PNPLA2: variants seen among roughly 807,000 people sequenced by gnomAD.
PNPLA2 encodes patatin-like phospholipase domain-containing protein 2.
In PNPLA2, 28 loss-of-function variants were observed where a neutral mutation model predicts 39.7. The observed-to-expected ratio is 0.70, with a 90% confidence interval of 0.52 to 0.97. The LOEUF (loss-of-function observed/expected upper bound fraction) is 0.97, where lower values mean the gene tolerates loss of function less well. PNPLA2 is among the 50% of genes least tolerant of loss of function. The probability of loss-of-function intolerance (pLI) is 0.00; values close to 1 mark genes in which losing one functional copy is unlikely to be tolerated. For missense variants in PNPLA2, 768 were observed against 698.2 expected, an observed-to-expected ratio of 1.10 and a Z score of -1.13; for synonymous variants, 392 against 321.1, an observed-to-expected ratio of 1.22 and a Z score of -2.36.
At chr11:821,335 G>A in intron 2 of PNPLA2, 1 of 522,060 alleles carries the variant, frequency 1.9e-6, no homozygotes, top group Non-Finnish European at 3.5e-6. Flanking sequence ...TCAGAGTTGA[G>A]TTTCTGCCTT....
At chr11:822,820 CTTTTTTTTTT>C (rs528124756) in intron 5 of PNPLA2, among the ~76,000 whole-genome samples, 1 of 131,480 alleles carries the variant, frequency 7.6e-6, no homozygotes, top group East Asian at 2.1e-4. Flanking sequence ...GTCTCTCTCT[CTTTTTTTTTT>C]TTTTTTTTGT....
In PNPLA2 at chr11:822,610, A is replaced by G; in HGVS notation, c.696+4A>G. 1 of 1,611,602 alleles carries G rather than the reference A, an allele frequency of 6.2e-7. No homozygotes were observed. The highest frequency in any genetic ancestry group is 8.5e-7 in the Non-Finnish European group (1 of 1,178,416). Reference sequence around the variant, plus strand: ...CCTCTTCCCGCCGGAGCCCCTGGTGAGCTCTGCTCCGAGGACTGTGGCCTT... The same window carrying G: ...CCTCTTCCCGCCGGAGCCCCTGGTGGGCTCTGCTCCGAGGACTGTGGCCTT... On this transcript the variant is annotated splice_donor_region_variant and intron_variant, in intron 5 of 9. Transcript: ENST00000336615.
In PNPLA2 at chr11:824,897, G is replaced by C; in HGVS notation, c.*35G>C. On this transcript the variant is annotated 3_prime_UTR_variant, in exon 10 of 10. Coordinates refer to ENST00000336615, the MANE Select transcript of PNPLA2 (RefSeq NM_020376.4). ...CCTCTCGAGGAACCCTGCCTGAGAC[G>C]CCTCCATTACCACTGCGCAGTGAGA... The C allele has an allele frequency of 6.8e-7, 1 of 1,471,768 alleles. No homozygotes were observed. The highest frequency in any genetic ancestry group is 9.2e-7 in the Non-Finnish European group (1 of 1,088,610). 91.2% of individuals were successfully genotyped at this position (1,471,768 alleles called of 1,614,324 possible).
rs779795122 is a variant in PNPLA2, at chr11:824,739, C to T, written c.1392C>T (p.Pro464=). 29 of 1,577,192 alleles carry T rather than the reference C, an allele frequency of 1.8e-5. No homozygotes were observed. The highest frequency in any genetic ancestry group is 1.7e-4 in the Middle Eastern group (1 of 6,006). Residue 464 remains proline (P), a synonymous_variant, in exon 10 of 10, where the codon CCC becomes CCT. Coordinates refer to ENST00000336615, the MANE Select transcript of PNPLA2 (RefSeq NM_020376.4). ...CCGAAGCTCTGCGCATGCGCGCACCCGCCGACCCGGCTCCCGCCCCCGCGG... is the reference window on the plus strand; with the variant it reads ...CCGAAGCTCTGCGCATGCGCGCACCTGCCGACCCGGCTCCCGCCCCCGCGG... ...FPPEALRMRA[P]ADPAPAPADP... is the part of the protein sequence containing the mutation.
At chr11:823,182 C>G (rs1387875032) in intron 5 of PNPLA2, among the ~76,000 whole-genome samples, 2 of 152,136 alleles carry the variant, frequency 1.3e-5, no homozygotes, top group East Asian at 3.8e-4. Context: ...CTCAGCCTCC[C>G]CAGTAGCTGG....
intron 1 of PNPLA2, among the ~76,000 whole-genome samples, 181 bp downstream of exon 1, chr11:819,139 AG>A (rs1845582330): frequency 6.6e-6 from 1 of 152,148 alleles, no homozygotes; most frequent in Non-Finnish European, 1.5e-5. Flanking sequence ...GGGGCTCCCG[AG>A]GCCTGTGCGG....
chr11:824,517 C>G lies in PNPLA2; in HGVS notation c.1176-6C>G. The stretch of plus-strand genomic sequence containing the variant: ...AAGCCCTCCCTGCCGCATCCCTGCC[C>G]CGCAGGCTGCCGGAGCAGGTGGAGC... On this transcript the variant is annotated splice_region_variant and splice_polypyrimidine_tract_variant and intron_variant, in intron 9 of 9. Coordinates refer to ENST00000336615, the MANE Select transcript of PNPLA2 (RefSeq NM_020376.4). 6.5e-7 allele frequency: 1 copy of G among 1,546,638 alleles called. No homozygotes were observed. The highest frequency in any genetic ancestry group is 1.9e-5 in the Admixed American group (1 of 51,384).
rs1186629172 is a variant in PNPLA2, at chr11:824,605, C to T, written c.1258C>T (p.Pro420Ser). 12 of 1,590,814 alleles carry T rather than the reference C, an allele frequency of 7.5e-6. No homozygotes were observed. The highest frequency in any genetic ancestry group is 8.5e-6 in the Non-Finnish European group (10 of 1,173,584). ...LSCAAYREALPGWMRNNLSLG... is the reference protein window; with the variant it reads ...LSCAAYREALSGWMRNNLSLG... ...CTGCGCCGCCTACAGAGAGGCACTGCCCGGCTGGATGCGCAACAACCTCTC... is the reference window on the plus strand; with the variant it reads ...CTGCGCCGCCTACAGAGAGGCACTGTCCGGCTGGATGCGCAACAACCTCTC... Residue 420 changes from proline to serine, a missense_variant, in exon 10 of 10, where the codon CCC (proline) becomes TCC (serine). Coordinates refer to ENST00000336615, the MANE Select transcript of PNPLA2 (RefSeq NM_020376.4).
intron 3 of PNPLA2, 33 bp downstream of exon 3, chr11:821,893 T>G: frequency 6.2e-7 from 1 of 1,600,220 alleles, no homozygotes. Context: ...TGGGTGGCGG[T>G]GGGGGGGGCA....
At chr11:824,153 A>G (rs1469238864) in intron 8 of PNPLA2, 23 bp downstream of exon 8, 1 of 1,581,408 alleles carries the variant, frequency 6.3e-7, no homozygotes, top group East Asian at 2.3e-5. Context: ...GGGGGTCGGG[A>G]GAGGGGCCCA....
At chr11:823,504 C>T (rs2133849109) in intron 5 of PNPLA2, 23 bp from the exon 6 acceptor site, 2 of 1,598,032 alleles carry the variant, frequency 1.3e-6, no homozygotes, top group South Asian at 2.3e-5. Flanking sequence ...TCCCTCCGCT[C>T]CATTTAACCC....
chr11:819,300 G>A (rs1198375271), intron 1 of PNPLA2: 4 of 478,852 alleles, frequency 8.4e-6, no homozygotes, highest in Non-Finnish European at 1.1e-5. Context: ...TCTGTGTGAG[G>A]CTTCCGGCCC....
chr11:823,754 A>G lies in PNPLA2; in HGVS notation c.818A>G (p.Glu273Gly), dbSNP rs758864081. ...CCCCCCGCCCGCCCCCACGGCCCAG[A>G]GGACAAGGACCAGGCAGTGGAGAGC... is the stretch of plus-strand genomic sequence containing the variant. The part of the protein sequence containing the change: ...ALPPARPHGP[E>G]DKDQAVESAQ... The change falls in exon 7 of 10, where the codon GAG (glutamate) becomes GGG (glycine). Residue 273 changes from glutamate to glycine, a missense_variant. Coordinates refer to ENST00000336615, the MANE Select transcript of PNPLA2 (RefSeq NM_020376.4). 5 of 1,346,442 alleles carry G rather than the reference A, an allele frequency of 3.7e-6. No homozygotes were observed. Among genetic ancestry groups the G allele is most frequent in the African/African-American group, 1.5e-5 (1 of 66,780 alleles). The allele number at this position is 1,346,442 out of a possible 1,614,324, so 83.4% of individuals were successfully genotyped here. A position where few individuals can be genotyped will look rare whatever the true frequency, so the allele number is the denominator to read the frequency against.
In PNPLA2 at chr11:823,603, C is replaced by A; in HGVS notation, c.757+16C>A. On this transcript the variant is annotated intron_variant, in intron 6 of 9. Transcript: ENST00000336615. ...CAGCGGAACGGTGCGCGGACCCGGG[C>A]GGGAGAGGGCGGGGTGGGCTCGGCT... The A allele has an allele frequency of 6.2e-6, 7 of 1,134,768 alleles. No individual in the cohort carries two copies. Among genetic ancestry groups the A allele is most frequent in the Non-Finnish European group, 9.0e-6 (7 of 777,802 alleles). 70.3% of individuals were successfully genotyped at this position (1,134,768 alleles called of 1,614,324 possible). A position where few individuals can be genotyped will look rare whatever the true frequency, so the allele number is the denominator to read the frequency against.
rs1165166323 is a variant in PNPLA2 at position 822,824 on chromosome 11, T to C, written c.696+218T>C. On this transcript the variant is annotated intron_variant, in intron 5 of 9. Coordinates refer to ENST00000336615, the MANE Select transcript of PNPLA2 (RefSeq NM_020376.4). ...CTCCCTGTCCAGTCTCTCTCTCTTT[T>C]TTTTTTTTTTTTTTGTTTGAGACGG... Among the ~76,000 whole-genome samples, 41 of 149,620 alleles carry C rather than the reference T, an allele frequency of 2.7e-4. No individual in the cohort carries two copies. In the East Asian group the frequency reaches 7.7e-3, roughly 28 times the overall value.
chr11:823,625 G>C, intron 6 of PNPLA2, 38 bp downstream of exon 6: 1 of 1,603,480 alleles, frequency 6.2e-7, no homozygotes, highest in Non-Finnish European at 8.5e-7. Flanking sequence ...GGGTGGGCTC[G>C]GCTCTGCTAC....
chr11:823,278 T>C (rs969903498), intron 5 of PNPLA2, among the ~76,000 whole-genome samples: 5 of 151,920 alleles, frequency 3.3e-5, no homozygotes, highest in African/African-American at 1.2e-4. Flanking sequence ...AGGATGGTCT[T>C]GATCTCCTGA....
At chr11:823,420 G>A (rs1280784108) in intron 5 of PNPLA2, 107 bp from the exon 6 acceptor site, 3 of 999,318 alleles carry the variant, frequency 3.0e-6, no homozygotes, top group Non-Finnish European at 4.7e-6. Flanking sequence ...TTTGGGGTTG[G>A]GAGCTGCGGG....
In PNPLA2 at chr11:824,057, C is replaced by T; in HGVS notation, c.979C>T (p.Pro327Ser). 1 of 1,610,488 alleles carries T rather than the reference C, an allele frequency of 6.2e-7. No homozygotes were observed. Among genetic ancestry groups the T allele is most frequent in the Non-Finnish European group, 8.5e-7 (1 of 1,179,334 alleles). Reference sequence around the variant, plus strand: ...GCTGACCACCCTCTCCAACATGCTGCCTGTGCGTCTGGCCACGGCCATGAT... The same window carrying T: ...GCTGACCACCCTCTCCAACATGCTGTCTGTGCGTCTGGCCACGGCCATGAT... ...DLLTTLSNML[P>S]VRLATAMMVP... Residue 327 changes from proline (P) to serine (S), a missense_variant, in exon 8 of 10, where the codon CCT (proline) becomes TCT (serine). Physicochemically the swap from Pro to Ser is moderately conservative, Grantham distance 74. Transcript: ENST00000336615.
Sources: gnomAD v4.1 joint callset for allele counts (sites outside exome capture counted in the v4.1 genomes callset) on GRCh38, gnomAD v4.1.1 for gene constraint, MANE v1.5 for transcripts, NCBI Gene and HGNC (gene_info 2026-07-23, HGNC 2026-07-21) for gene names.